Variants in UGT1A7 observed in about 807,000 individuals in gnomAD.
UGT1A7 encodes UDP glucuronosyltransferase family 1 member A7.
Under a neutral mutation model 45.6 loss-of-function variants are expected in UGT1A7, and 33 were observed. The ratio of observed to expected loss-of-function variants is 0.72; its 90% CI spans 0.55 to 0.97. The LOEUF (loss-of-function observed/expected upper bound fraction) is 0.97. Among genes scored for constraint, UGT1A7 ranks in the 50% least tolerant of loss-of-function variants. The pLI, the probability that UGT1A7 is intolerant of heterozygous loss-of-function variation, is 0.00. For synonymous variants in UGT1A7, 274 were observed against 250.6 expected (o/e 1.09, Z -0.88); for missense variants, 684 against 666.2 (o/e 1.03, Z -0.29).
In UGT1A7 at chr2:233,755,043, C is replaced by G. The variant is rs780933124; in HGVS notation, c.856-11991C>G. ...CTTGAAGGGCCTGCCGCCTGCGCAGCCGCCCTCCGCCCTCGCCTCGCCATA... is the reference window on the plus strand; with the variant it reads ...CTTGAAGGGCCTGCCGCCTGCGCAGGCGCCCTCCGCCCTCGCCTCGCCATA... On this transcript the variant is annotated intron_variant, in intron 1 of 4. Transcript: ENST00000373426. The G allele has an allele frequency of 9.8e-6, 13 of 1,323,836 alleles. No homozygotes were observed. In the South Asian group the frequency reaches 1.4e-4, roughly 14 times the overall value. The allele number at this position is 1,323,836 out of a possible 1,614,324, so 82.0% of individuals were successfully genotyped here. A position where few individuals can be genotyped will look rare whatever the true frequency, so the allele number is the denominator to read the frequency against.
intron 1 of UGT1A7, chr2:233,693,831 G>T: frequency 1.2e-6 from 2 of 1,614,178 alleles, no homozygotes; most frequent in Non-Finnish European, 1.7e-6. Context: ...TTCATTGGAG[G>T]TATCAACTGT....
At chr2:233,743,063 C>G (rs1189998350) in intron 1 of UGT1A7, 2 of 336,472 alleles carry the variant, frequency 5.9e-6, no homozygotes, top group East Asian at 7.7e-5. Context: ...ACGATAAGAA[C>G]AGGTGTTGGC....
At position 233,747,601 on chromosome 2, in the gene UGT1A7, AGCTACT is replaced by A. The variant is rs1032585099; in HGVS notation, c.856-19430_856-19425del. 3.2e-6 allele frequency: 5 copies of A among 1,575,002 alleles called. No individual in the cohort carries two copies. In the African/African-American group the frequency reaches 6.8e-5, roughly 21 times the overall value. The stretch of plus-strand genomic sequence containing the variant: ...TTGGTCTTTCATAGGTCTTGTGTGG[AGCTACT>A]GCATAATGAGGCCCTGATCAGGCAC... On this transcript the variant is annotated intron_variant, in intron 1 of 4. Transcript: ENST00000373426.
In UGT1A7 at chr2:233,744,339, T is replaced by C. The variant is rs368123082; in HGVS notation, c.856-22695T>C. Among the ~76,000 whole-genome samples, 73 of 151,998 alleles carry C rather than the reference T, an allele frequency of 4.8e-4. No individual in the cohort carries two copies. The East Asian group carries it at 9.6e-3, about 20-fold the overall frequency. ...GTGGTGGGAGTGAGTTTAGTCTGAC[T>C]GGGGCTGAAGACATCCTGTTGTTTA... On this transcript the variant is annotated intron_variant, in intron 1 of 4. Coordinates refer to ENST00000373426, the MANE Select transcript of UGT1A7 (RefSeq NM_019077.3).
At chr2:233,744,484 GC>G (rs2125863541) in intron 1 of UGT1A7, among the ~76,000 whole-genome samples, 1 of 151,978 alleles carries the variant, frequency 6.6e-6, no homozygotes, top group Non-Finnish European at 1.5e-5. Context: ...TATTAATTGG[GC>G]AATTTAGTAA....
At chr2:233,766,998 GA>G in intron 1 of UGT1A7, 35 bp from the exon 2 acceptor site, 1 of 1,613,532 alleles carries the variant, frequency 6.2e-7, no homozygotes, top group South Asian at 1.1e-5. Context: ...AAGAATATGA[GA>G]AAAAATTAAC....
intron 1 of UGT1A7, chr2:233,741,829 T>C (rs1473126770): frequency 6.6e-6 from 1 of 151,946 alleles, no homozygotes; most frequent in African/African-American, 2.4e-5. Context: ...GCCTATCCAG[T>C]TCAGTTGCCT....
chr2:233,747,892 T>C, intron 1 of UGT1A7: 9 of 1,613,604 alleles, frequency 5.6e-6, no homozygotes, highest in Non-Finnish European at 6.8e-6. Flanking sequence ...TGCCATGCTC[T>C]TTCTGCTCCT....
intron 1 of UGT1A7, among the ~76,000 whole-genome samples, chr2:233,688,946 C>A (rs909288341): frequency 6.6e-6 from 1 of 152,150 alleles, no homozygotes; most frequent in Non-Finnish European, 1.5e-5. Flanking sequence ...CAGCATGAAG[C>A]CAAATGTTTG....
chr2:233,719,027 C>CA (rs779192742), intron 1 of UGT1A7: 8 of 1,614,110 alleles, frequency 5.0e-6, no homozygotes, highest in African/African-American at 1.3e-5. Flanking sequence ...ATATGCACAT[C>CA]AAAGAAGAGA....
intron 1 of UGT1A7, among the ~76,000 whole-genome samples, chr2:233,710,223 G>T (rs1158018744): frequency 1.3e-5 from 2 of 152,178 alleles, no homozygotes; most frequent in Non-Finnish European, 2.9e-5. Flanking sequence ...GAATAAAGCT[G>T]CTATGACTAT....
intron 1 of UGT1A7, among the ~76,000 whole-genome samples, chr2:233,702,642 A>G (rs913191367): frequency 1.3e-5 from 2 of 152,146 alleles, no homozygotes; most frequent in African/African-American, 4.8e-5. Context: ...ATTTTCATCT[A>G]TTCCTAGCTC....
At chr2:233,720,947 G>A (rs2076910008) in intron 1 of UGT1A7, among the ~76,000 whole-genome samples, 1 of 147,996 alleles carries the variant, frequency 6.8e-6, no homozygotes, top group Non-Finnish European at 1.5e-5. Context: ...CTGACCTCAT[G>A]TGATCTGCCC....
At chr2:233,737,335 G>C (rs558771820) in intron 1 of UGT1A7, among the ~76,000 whole-genome samples, 1 of 152,354 alleles carries the variant, frequency 6.6e-6, no homozygotes, top group African/African-American at 2.4e-5. Context: ...CAGTGAGCAA[G>C]GCTCCGTGGG....
At chr2:233,737,384 T>C (rs375300244) in intron 1 of UGT1A7, among the ~76,000 whole-genome samples, 6 of 152,362 alleles carry the variant, frequency 3.9e-5, no homozygotes, top group African/African-American at 1.4e-4. Context: ...GAGAATCTCC[T>C]TGTCTGCCAG....
At chr2:233,704,044 A>C (rs4521035) in intron 1 of UGT1A7, among the ~76,000 whole-genome samples, 86,978 of 151,728 alleles carry the variant, frequency 0.57, 26,924 homozygotes, top group African/African-American at 0.82. Flanking sequence ...GTGTGCACCA[A>C]CATGCCTGGC....
At chr2:233,719,955 G>A (rs914065471) in intron 1 of UGT1A7, among the ~76,000 whole-genome samples, 4 of 152,160 alleles carry the variant, frequency 2.6e-5, no homozygotes, top group Admixed American at 2.6e-4. Flanking sequence ...CCATCTTCAT[G>A]GTTGTGCATG....
intron 1 of UGT1A7, among the ~76,000 whole-genome samples, chr2:233,715,099 T>C (rs2076432380): frequency 6.6e-6 from 1 of 152,192 alleles, no homozygotes; most frequent in South Asian, 2.1e-4. Context: ...TTGGCCAGGC[T>C]GATCTCAAAT....
chr2:233,736,822 C>T (rs1336018032), intron 1 of UGT1A7, among the ~76,000 whole-genome samples: 1 of 152,216 alleles, frequency 6.6e-6, no homozygotes, highest in Non-Finnish European at 1.5e-5. Flanking sequence ...ACTCCAGATG[C>T]TCTTTGCTTT....
Sources: allele counts gnomAD v4.1 joint callset (sites outside exome capture counted in the v4.1 genomes callset), GRCh38; gene constraint gnomAD v4.1.1; transcripts MANE v1.5; gene names NCBI Gene and HGNC (gene_info 2026-07-23, HGNC 2026-07-21).